The following SLC4A10 variants were observed in gnomAD, a reference collection of about 807,000 sequenced individuals.
SLC4A10 encodes solute carrier family 4 member 10, also known as sodium-driven chloride bicarbonate exchanger.
In SLC4A10, 42 loss-of-function variants were observed where a neutral mutation model predicts 137.7. The observed-to-expected ratio is 0.30, with a 90% CI of 0.24 to 0.39. The LOEUF (loss-of-function observed/expected upper bound fraction) is 0.39, where lower values mean the gene tolerates loss of function less well. Among genes scored for constraint, SLC4A10 ranks in the 10% least tolerant of loss-of-function variants. The pLI is 1.00. For missense variants in SLC4A10, 925 were observed against 1,355.0 expected (o/e 0.68, Z 4.98); for synonymous variants, 474 against 464.1 (o/e 1.02, Z -0.27).
intron 15 of SLC4A10, among the ~76,000 whole-genome samples, chr2:161,908,019 C>T (rs1301218380): frequency 3.3e-5 from 5 of 152,044 alleles, no homozygotes; most frequent in African/African-American, 1.2e-4. Flanking sequence ...GACTGAGGAA[C>T]ATAGTTTAAA....
intron 1 of SLC4A10, among the ~76,000 whole-genome samples, chr2:161,728,927 C>T (rs1292711823): frequency 1.3e-5 from 2 of 151,996 alleles, no homozygotes; most frequent in Non-Finnish European, 2.9e-5. Flanking sequence ...AAGTAATCCA[C>T]ATTAACAGAA....
At chr2:161,946,918 T>G (rs952027886) in intron 16 of SLC4A10, among the ~76,000 whole-genome samples, 1 of 152,118 alleles carries the variant, frequency 6.6e-6, no homozygotes, top group African/African-American at 2.4e-5. Context: ...TTTCAGTCAT[T>G]GTATGTCATA....
chr2:161,882,690 A>G (rs2061894066), intron 10 of SLC4A10, among the ~76,000 whole-genome samples: 1 of 152,136 alleles, frequency 6.6e-6, no homozygotes, highest in South Asian at 2.1e-4. Flanking sequence ...CACTTAGAAT[A>G]TATTATTAAT....
intron 1 of SLC4A10, among the ~76,000 whole-genome samples, chr2:161,686,743 T>A (rs917068851): frequency 6.6e-6 from 1 of 152,226 alleles, no homozygotes; most frequent in Admixed American, 6.5e-5. Flanking sequence ...TTTATTTTTT[T>A]AATTGTTTAT....
chr2:161,875,831 G>A (rs1032704236), intron 8 of SLC4A10, among the ~76,000 whole-genome samples: 2 of 152,186 alleles, frequency 1.3e-5, no homozygotes, highest in Non-Finnish European at 1.5e-5. Flanking sequence ...GAATTATAGA[G>A]TGATTAAGAG....
At chr2:161,773,922 C>A (rs2051993909) in intron 2 of SLC4A10, among the ~76,000 whole-genome samples, 1 of 151,670 alleles carries the variant, frequency 6.6e-6, no homozygotes, top group Non-Finnish European at 1.5e-5. Flanking sequence ...GCGGTCGGTA[C>A]ATTCTTTCAA....
chr2:161,874,039 G>T (rs2061316037), intron 8 of SLC4A10, 34 bp downstream of exon 8: 1 of 1,550,448 alleles, frequency 6.4e-7, no homozygotes, highest in Non-Finnish European at 8.7e-7. Context: ...TTCTACAGTG[G>T]TTCAAAGCTC....
intron 10 of SLC4A10, among the ~76,000 whole-genome samples, chr2:161,884,473 A>G (rs1389327412): frequency 6.6e-6 from 1 of 152,206 alleles, no homozygotes; most frequent in Non-Finnish European, 1.5e-5. Context: ...GGAAACATCC[A>G]TGTTCTATAA....
chr2:161,924,906 T>C (rs1688790019), intron 15 of SLC4A10, among the ~76,000 whole-genome samples: 1 of 152,224 alleles, frequency 6.6e-6, no homozygotes, highest in South Asian at 2.1e-4. Flanking sequence ...CAGGTTTCGA[T>C]GGGGTTATAG....
At chr2:161,685,526 T>C (rs1279891587) in intron 1 of SLC4A10, among the ~76,000 whole-genome samples, 1 of 152,072 alleles carries the variant, frequency 6.6e-6, no homozygotes, top group African/African-American at 2.4e-5. Context: ...GAGAATTGCT[T>C]GAACCCAAGA....
intron 1 of SLC4A10, among the ~76,000 whole-genome samples, chr2:161,748,410 C>T (rs1240824326): frequency 2.0e-5 from 3 of 149,864 alleles, no homozygotes; most frequent in Non-Finnish European, 3.0e-5. Flanking sequence ...TTAAATCTTA[C>T]GTCTATGTCT....
At chr2:161,952,408 A>G (rs371021143) in intron 19 of SLC4A10, among the ~76,000 whole-genome samples, 1 of 152,218 alleles carries the variant, frequency 6.6e-6, no homozygotes, top group South Asian at 2.1e-4. Context: ...ACAAAAATGT[A>G]GTAAAGCATT....
chr2:161,970,281 G>A (rs1698299923), intron 23 of SLC4A10, among the ~76,000 whole-genome samples: 1 of 152,036 alleles, frequency 6.6e-6, no homozygotes, highest in Non-Finnish European at 1.5e-5. Context: ...ACTCTATATA[G>A]ACTCTCCATT....
chr2:161,824,576 G>A (rs560433252), intron 3 of SLC4A10, among the ~76,000 whole-genome samples: 22 of 152,284 alleles, frequency 1.4e-4, no homozygotes, highest in Non-Finnish European at 2.6e-4. Flanking sequence ...AATAGAAGAT[G>A]ACTCGATGAA....
chr2:161,770,265 A>T (rs566873141), intron 1 of SLC4A10, among the ~76,000 whole-genome samples: 3 of 152,016 alleles, frequency 2.0e-5, no homozygotes, highest in African/African-American at 7.2e-5. Context: ...AATAGATTAT[A>T]CTCAGCCCCC....
intron 6 of SLC4A10, among the ~76,000 whole-genome samples, chr2:161,864,694 C>CAAAATTCATACTGAACAAA (rs1214718936): frequency 6.6e-6 from 1 of 152,070 alleles, no homozygotes; most frequent in Non-Finnish European, 1.5e-5. Flanking sequence ...TTCCACTGAA[C>CAAAATTCATACTGAACAAA]ATTCTGAGGA....
intron 1 of SLC4A10, among the ~76,000 whole-genome samples, chr2:161,643,058 A>G (rs2035530383): frequency 6.6e-6 from 1 of 152,018 alleles, no homozygotes; most frequent in African/African-American, 2.4e-5. Context: ...AATATTTTTA[A>G]GTATTCTAAC....
At chr2:161,823,636 T>C (rs572109127) in intron 3 of SLC4A10, among the ~76,000 whole-genome samples, 1 of 152,234 alleles carries the variant, frequency 6.6e-6, no homozygotes, top group Non-Finnish European at 1.5e-5. Flanking sequence ...CAGATTGAGG[T>C]TTGCAGCAGT....
At chr2:161,711,755 A>G (rs1574499022) in intron 1 of SLC4A10, among the ~76,000 whole-genome samples, 1 of 151,864 alleles carries the variant, frequency 6.6e-6, no homozygotes, top group East Asian at 1.9e-4. Flanking sequence ...CAGTGTCTGG[A>G]CTGCCATGTT....
Sources: allele counts gnomAD v4.1 joint callset (sites outside exome capture counted in the v4.1 genomes callset), GRCh38; gene constraint gnomAD v4.1.1; transcripts MANE v1.5; gene names NCBI Gene and HGNC (gene_info 2026-07-23, HGNC 2026-07-21).